AKAP9: variants seen among roughly 807,000 people sequenced by gnomAD.
The protein encoded by AKAP9 is A-kinase anchoring protein 9.
A neutral mutation model predicts 488.5 loss-of-function variants in AKAP9; 311 were observed. The ratio of observed to expected loss-of-function variants is 0.64; its 90% CI spans 0.58 to 0.70. AKAP9 has a LOEUF of 0.70. Ranked by LOEUF, AKAP9 falls within the 30% of genes least tolerant of loss-of-function variation. AKAP9 has a pLI of 0.00. For missense variants in AKAP9, 4,215 were observed against 4,374.5 expected (o/e 0.96, Z 1.03); for synonymous variants, 1,462 against 1,483.5 (o/e 0.99, Z 0.33).
At chr7:92,063,474 C>G in intron 24 of AKAP9, 1 of 980,098 alleles carries the variant, frequency 1.0e-6, no homozygotes, top group South Asian at 4.7e-5. Flanking sequence ...CTAGTAGATG[C>G]TGCAGTCGAT....
Position 92,077,018 on chromosome 7 carries a change from A to G in AKAP9, c.6765+11A>G, listed in dbSNP as rs753247299. The G allele has an allele frequency of 6.6e-7, 1 of 1,511,514 alleles. No individual in the cohort carries two copies. Among genetic ancestry groups the G allele is most frequent in the Admixed American group, 2.0e-5 (1 of 49,874 alleles). 93.6% of individuals were successfully genotyped at this position (1,511,514 alleles called of 1,614,324 possible). On this transcript the variant is annotated intron_variant, in intron 29 of 49. Transcript: ENST00000356239. ...AACAAATTATTTAAGGTAATTAGTTAAGAAAAACTTTTATCTGTAAATAAG... is the reference window on the plus strand; with the variant it reads ...AACAAATTATTTAAGGTAATTAGTTGAGAAAAACTTTTATCTGTAAATAAG...
chr7:92,064,184 G>T (rs1206373571), intron 24 of AKAP9, among the ~76,000 whole-genome samples: 1 of 151,992 alleles, frequency 6.6e-6, no homozygotes, highest in African/African-American at 2.4e-5. Context: ...TAAGATGATG[G>T]TAGCAAAAGG....
At chr7:92,061,613 TATATATAA>T (rs1383324686) in intron 23 of AKAP9, among the ~76,000 whole-genome samples, 191 bp downstream of exon 23, 17 of 120,136 alleles carry the variant, frequency 1.4e-4, no homozygotes, top group Admixed American at 4.1e-4. Flanking sequence ...TATATATATA[TATATATAA>T]AATTATAAAA....
chr7:91,986,364 T>G (rs1230548140), intron 3 of AKAP9, among the ~76,000 whole-genome samples: 1 of 152,166 alleles, frequency 6.6e-6, no homozygotes, highest in Non-Finnish European at 1.5e-5. Context: ...GGTGAGGCGA[T>G]GCCCTGCCCT....
At chr7:92,104,060 C>A (rs1047090991) in intron 46 of AKAP9, among the ~76,000 whole-genome samples, 1 of 152,160 alleles carries the variant, frequency 6.6e-6, no homozygotes. Flanking sequence ...CCTGGTTATA[C>A]GCATACAAAC....
chr7:92,093,877 A>C (rs898997615), intron 39 of AKAP9, among the ~76,000 whole-genome samples: 16 of 151,798 alleles, frequency 1.1e-4, no homozygotes, highest in Non-Finnish European at 5.9e-5. Context: ...TTGAGATGGA[A>C]TCTCGCTCTG....
At chr7:92,103,162 A>G (rs1186914485) in intron 46 of AKAP9, among the ~76,000 whole-genome samples, 1 of 149,736 alleles carries the variant, frequency 6.7e-6, no homozygotes, top group South Asian at 2.1e-4. Context: ...AGGCCAAGGC[A>G]GGCGAATCAC....
intron 39 of AKAP9, 83 bp downstream of exon 39, chr7:92,093,399 G>T (rs1815977920): frequency 8.5e-7 from 1 of 1,178,086 alleles, no homozygotes. Flanking sequence ...ATAGAGAAAT[G>T]TAACATGCAT....
At position 92,066,423 on chromosome 7, in the gene AKAP9, T is replaced by G. The variant is rs1429273413; in HGVS notation, c.6211-4T>G. On this transcript the variant is annotated splice_polypyrimidine_tract_variant and splice_region_variant and intron_variant, in intron 25 of 49. Transcript: ENST00000356239. Reference sequence around the variant, plus strand: ...CTACTATCATTATTGTCATTAAACTTTAGGAGCAAGCCATTGACAGAGAAC... The same window carrying G: ...CTACTATCATTATTGTCATTAAACTGTAGGAGCAAGCCATTGACAGAGAAC... 3 of 1,612,782 alleles carry G rather than the reference T, an allele frequency of 1.9e-6. No individual in the cohort carries two copies. In the African/African-American group the frequency reaches 4.0e-5, roughly 22 times the overall value.
intron 28 of AKAP9, among the ~76,000 whole-genome samples, chr7:92,073,557 A>C (rs572683543): frequency 2.6e-5 from 4 of 152,264 alleles, no homozygotes; most frequent in Admixed American, 1.3e-4. Context: ...CATTAATTTC[A>C]ATTATTAGAT....
At position 91,974,296 on chromosome 7, in the gene AKAP9, G is replaced by C. The variant is rs141877710; in HGVS notation, c.306+328G>C. 3.2e-4 allele frequency among the ~76,000 whole-genome samples: 49 copies of C among 152,136 alleles called. 1 individual carries two copies. Among genetic ancestry groups the C allele is most frequent in the African/African-American group, 1.2e-3 (48 of 41,468 alleles). On this transcript the variant is annotated intron_variant, in intron 2 of 49. Coordinates refer to ENST00000356239, the MANE Select transcript of AKAP9 (RefSeq NM_005751.5). The stretch of plus-strand genomic sequence containing the variant: ...AAAGGTATGCAGTGTGCTATGATTA[G>C]ACCTTTGCTAGTATGAGAGATAGAT...
At chr7:91,993,264 C>T (rs1368247021) in intron 5 of AKAP9, among the ~76,000 whole-genome samples, 1 of 151,434 alleles carries the variant, frequency 6.6e-6, no homozygotes, top group Non-Finnish European at 1.5e-5. Context: ...TCTCGGCCCA[C>T]TGCATCCTCT....
chr7:92,034,773 A>T (rs1422930964), intron 16 of AKAP9, among the ~76,000 whole-genome samples: 1 of 151,668 alleles, frequency 6.6e-6, no homozygotes, highest in Admixed American at 6.6e-5. Flanking sequence ...TACTGGGATT[A>T]CAGGTGTTAG....
intron 29 of AKAP9, 77 bp from the exon 30 acceptor site, chr7:92,077,619 C>T (rs1033839503): frequency 1.6e-6 from 2 of 1,251,728 alleles, no homozygotes; most frequent in Non-Finnish European, 1.2e-6. Flanking sequence ...GTTATAGGCT[C>T]TGATTTCTTT....
intron 1 of AKAP9, among the ~76,000 whole-genome samples, chr7:91,964,355 T>C (rs1794152291): frequency 6.6e-6 from 1 of 152,240 alleles, no homozygotes; most frequent in Non-Finnish European, 1.5e-5. Context: ...TTAGCAATAA[T>C]GGTTTACATA....
chr7:92,042,151 T>C lies in AKAP9; in HGVS notation c.5023T>C (p.Cys1675Arg). The part of the protein sequence containing the change: ...QLSLAGREKL[C>R]CELRNSSTQT... ...GTCTTTAGCTGGAAGAGAGAAGCTG[T>C]GTTGTGAGCTGCGCAACAGCAGTAC... is the stretch of plus-strand genomic sequence containing the variant. Residue 1675 changes from cysteine (C) to arginine (R), a missense_variant, in exon 19 of 50, where the codon TGT (cysteine) becomes CGT (arginine). Cys to Arg is a radical substitution (Grantham distance 180). Around this residue, in one of 5 missense-constraint regions of AKAP9, gnomAD observed 2,361 missense variants for 2,430.0 expected, o/e 0.97. Transcript: ENST00000356239. 6.2e-7 allele frequency: 1 copy of C among 1,613,962 alleles called. No homozygotes were observed.
At chr7:92,107,087 A>G (rs1415294034) in intron 47 of AKAP9, among the ~76,000 whole-genome samples, 1 of 152,234 alleles carries the variant, frequency 6.6e-6, no homozygotes, top group Non-Finnish European at 1.5e-5. Context: ...AAATACTCAT[A>G]TTCAAAAGTA....
chr7:92,008,369 A>G (rs1396366434), intron 8 of AKAP9, among the ~76,000 whole-genome samples: 1 of 150,268 alleles, frequency 6.7e-6, no homozygotes, highest in Non-Finnish European at 1.5e-5. Context: ...AAAAGAAAAG[A>G]AAACACTAAA....
intron 16 of AKAP9, among the ~76,000 whole-genome samples, chr7:92,035,645 C>T (rs1584252383): frequency 6.6e-6 from 1 of 152,070 alleles, no homozygotes; most frequent in African/African-American, 2.4e-5. Flanking sequence ...GGCAGTCCAC[C>T]CAGTTAGGTT....
Sources: allele counts gnomAD v4.1 joint callset (sites outside exome capture counted in the v4.1 genomes callset), GRCh38; gene constraint gnomAD v4.1.1; regional missense constraint gnomAD v4.1.1; transcripts MANE v1.5; gene names NCBI Gene and HGNC (gene_info 2026-07-23, HGNC 2026-07-21).